LRP1B: variants seen among roughly 807,000 people sequenced by gnomAD.
The protein encoded by LRP1B is LDL receptor related protein 1B, also known as low-density lipoprotein receptor-related protein 1B.
LRP1B carries 217 observed loss-of-function variants against 556.6 expected under a neutral mutation model. That is an observed-to-expected ratio of 0.39 (90% confidence interval 0.35 to 0.44). LRP1B has a LOEUF of 0.44. Among genes scored for constraint, LRP1B ranks in the 20% least tolerant of loss-of-function variants. The pLI is 1.00. For synonymous variants in LRP1B, 2,047 were observed against 1,865.8 expected (o/e 1.10, Z -2.50); for missense variants, 5,053 against 5,620.8 (o/e 0.90, Z 3.23).
chr2:140,963,097 A>T (rs933296442), intron 18 of LRP1B, among the ~76,000 whole-genome samples: 1 of 152,198 alleles, frequency 6.6e-6, no homozygotes, highest in African/African-American at 2.4e-5. Context: ...ATCTTAGGCA[A>T]AGATGCATAT....
At chr2:140,378,097 C>G in intron 68 of LRP1B, 83 bp downstream of exon 68, 1 of 877,434 alleles carries the variant, frequency 1.1e-6, no homozygotes, top group Non-Finnish European at 1.8e-6. Flanking sequence ...GCTGTCCTTG[C>G]CGCACTTATT....
At chr2:140,907,221 C>A (rs989362953) in intron 22 of LRP1B, among the ~76,000 whole-genome samples, 1 of 151,978 alleles carries the variant, frequency 6.6e-6, no homozygotes, top group African/African-American at 2.4e-5. Flanking sequence ...TTTAAAAAAT[C>A]TCTTTACTAA....
At chr2:140,590,670 G>A (rs372269031) in intron 43 of LRP1B, among the ~76,000 whole-genome samples, 1 of 151,934 alleles carries the variant, frequency 6.6e-6, no homozygotes, top group East Asian at 1.9e-4. Flanking sequence ...CAGGAAAAGA[G>A]GCCCTCACCA....
intron 74 of LRP1B, among the ~76,000 whole-genome samples, chr2:140,357,078 AT>A (rs1233435606): frequency 6.6e-6 from 1 of 151,806 alleles, no homozygotes; most frequent in Non-Finnish European, 1.5e-5. Context: ...AATTTCCAGG[AT>A]AGCAGTTGCA....
intron 32 of LRP1B, among the ~76,000 whole-genome samples, chr2:140,784,747 T>A (rs1689836415): frequency 6.6e-6 from 1 of 151,594 alleles, no homozygotes; most frequent in Non-Finnish European, 1.5e-5. Context: ...AAAATTGAAC[T>A]CTGAGAAATT....
At chr2:141,906,795 T>C (rs1318231069) in intron 1 of LRP1B, among the ~76,000 whole-genome samples, 2 of 152,042 alleles carry the variant, frequency 1.3e-5, no homozygotes, top group Non-Finnish European at 2.9e-5. Context: ...GGTTACAAAG[T>C]AGACAAAGAC....
intron 35 of LRP1B, among the ~76,000 whole-genome samples, chr2:140,756,523 C>T (rs1277757526): frequency 6.6e-6 from 1 of 151,880 alleles, no homozygotes; most frequent in Non-Finnish European, 1.5e-5. Flanking sequence ...TAAATAAAGC[C>T]TCACATTTAC....
intron 23 of LRP1B, among the ~76,000 whole-genome samples, chr2:140,893,405 G>A (rs1398244752): frequency 6.6e-6 from 1 of 152,182 alleles, no homozygotes; most frequent in Non-Finnish European, 1.5e-5. Flanking sequence ...GAATGTGTGG[G>A]CTCACAGCAC....
At chr2:141,162,043 T>A (rs1191651341) in intron 7 of LRP1B, among the ~76,000 whole-genome samples, 2 of 152,080 alleles carry the variant, frequency 1.3e-5, no homozygotes, top group Non-Finnish European at 2.9e-5. Context: ...TAGACTTACT[T>A]TGAAATTTCA....
intron 3 of LRP1B, among the ~76,000 whole-genome samples, chr2:141,333,333 A>G (rs545263023): frequency 6.6e-6 from 1 of 152,212 alleles, no homozygotes; most frequent in Non-Finnish European, 1.5e-5. Flanking sequence ...TACCTCATCT[A>G]GGCAATCGGA....
intron 3 of LRP1B, among the ~76,000 whole-genome samples, chr2:141,387,431 C>A (rs1259498330): frequency 6.6e-6 from 1 of 151,424 alleles, no homozygotes; most frequent in African/African-American, 2.4e-5. Context: ...TTTAGCTGTA[C>A]AACAAGGGGA....
chr2:140,369,534 A>G (rs556939009), intron 71 of LRP1B, among the ~76,000 whole-genome samples: 4 of 152,082 alleles, frequency 2.6e-5, no homozygotes, highest in African/African-American at 7.2e-5. Context: ...ACTTAGCCTA[A>G]GGTAGAAAGA....
rs917832542 is a variant in LRP1B at position 140,570,434 on chromosome 2, A to T, written c.7194+28197T>A. ...AAATTGGAAAACCTAACAGAAAGGG[A>T]TACATTTATAAACACATAAAACCTA... On this transcript the variant is annotated intron_variant, in intron 43 of 90. Coordinates refer to ENST00000389484, the MANE Select transcript of LRP1B (RefSeq NM_018557.3). 3.3e-5 allele frequency among the ~76,000 whole-genome samples: 5 copies of T among 151,764 alleles called. No individual in the cohort carries two copies. In the South Asian group the frequency reaches 1.0e-3, roughly 31 times the overall value.
intron 1 of LRP1B, among the ~76,000 whole-genome samples, chr2:141,902,322 A>G (rs1432264157): frequency 6.6e-6 from 1 of 151,944 alleles, no homozygotes; most frequent in Non-Finnish European, 1.5e-5. Flanking sequence ...AATTTTTATT[A>G]ATTTCTAAAA....
chr2:140,582,923 A>G (rs1026594883), intron 43 of LRP1B, among the ~76,000 whole-genome samples: 2 of 152,114 alleles, frequency 1.3e-5, no homozygotes, highest in Non-Finnish European at 2.9e-5. Flanking sequence ...CAGCTTTTAC[A>G]TGTTGGGGTG....
intron 3 of LRP1B, among the ~76,000 whole-genome samples, chr2:141,372,994 T>G (rs758070034): frequency 5.9e-5 from 9 of 152,084 alleles, no homozygotes; most frequent in African/African-American, 9.7e-5. Context: ...TATTGATGTA[T>G]GCATTTATTG....
At chr2:140,528,595 T>G (rs754782115) in intron 47 of LRP1B, among the ~76,000 whole-genome samples, 6 of 151,848 alleles carry the variant, frequency 4.0e-5, no homozygotes, top group Non-Finnish European at 5.9e-5. Flanking sequence ...AGGAACAGAT[T>G]GTCCCTTTGT....
intron 49 of LRP1B, among the ~76,000 whole-genome samples, chr2:140,523,316 A>C (rs556217370): frequency 6.6e-6 from 1 of 152,128 alleles, no homozygotes; most frequent in South Asian, 2.1e-4. Context: ...CAATAGACAC[A>C]GAAAAAGCAT....
chr2:140,529,574 A>G (rs1690597686), intron 47 of LRP1B, among the ~76,000 whole-genome samples: 1 of 151,930 alleles, frequency 6.6e-6, no homozygotes, highest in South Asian at 2.1e-4. Flanking sequence ...TTCTCCAGCT[A>G]TGTTTATCCT....
Sources: allele counts gnomAD v4.1 joint callset (sites outside exome capture counted in the v4.1 genomes callset), GRCh38; gene constraint gnomAD v4.1.1; transcripts MANE v1.5; gene names NCBI Gene and HGNC (gene_info 2026-07-23, HGNC 2026-07-21).